PLXNC1: variants seen among roughly 807,000 people sequenced by gnomAD.
The protein encoded by PLXNC1 is plexin-C1.
Under a neutral mutation model 178.2 loss-of-function variants are expected in PLXNC1, and 75 were observed. The ratio of observed to expected loss-of-function variants is 0.42; its 90% CI spans 0.35 to 0.51. The LOEUF is 0.51. Ranked by LOEUF, PLXNC1 falls within the 20% of genes least tolerant of loss-of-function variation. PLXNC1 has a pLI of 0.02. For synonymous variants in PLXNC1, 790 were observed against 779.9 expected (o/e 1.01, Z -0.22); for missense variants, 1,503 against 1,984.4 (o/e 0.76, Z 4.61).
chr12:94,176,209 A>C (rs1168270178), intron 2 of PLXNC1, among the ~76,000 whole-genome samples: 1 of 152,024 alleles, frequency 6.6e-6, no homozygotes, highest in African/African-American at 2.4e-5. Flanking sequence ...TCTTTTTCCG[A>C]GGCTGCCCAC....
At chr12:94,292,769 T>G (rs1218241063) in intron 23 of PLXNC1, among the ~76,000 whole-genome samples, 1 of 152,248 alleles carries the variant, frequency 6.6e-6, no homozygotes, top group Non-Finnish European at 1.5e-5. Flanking sequence ...CATGCTATCA[T>G]GAGTTCAGGT....
At chr12:94,194,396 C>A (rs768640278) in intron 4 of PLXNC1, among the ~76,000 whole-genome samples, 2 of 152,176 alleles carry the variant, frequency 1.3e-5, no homozygotes, top group Non-Finnish European at 2.9e-5. Flanking sequence ...GTGTGACCTG[C>A]CAGTTTCTTA....
intron 15 of PLXNC1, among the ~76,000 whole-genome samples, chr12:94,254,269 A>G (rs1018168388): frequency 3.3e-5 from 5 of 152,204 alleles, no homozygotes; most frequent in Admixed American, 6.5e-5. Context: ...ATATGGAGGT[A>G]TGGGAGTTCC....
intron 23 of PLXNC1, among the ~76,000 whole-genome samples, chr12:94,289,714 C>A (rs75997341): frequency 6.6e-6 from 1 of 152,116 alleles, no homozygotes; most frequent in Non-Finnish European, 1.5e-5. Flanking sequence ...AAAAAGAAAA[C>A]GGAAACCTTT....
chr12:94,240,492 G>A lies in PLXNC1; in HGVS notation c.2128G>A (p.Val710Ile), dbSNP rs1401356032. 2.5e-6 allele frequency: 4 copies of A among 1,613,240 alleles called. No individual in the cohort carries two copies. The highest frequency in any genetic ancestry group is 1.1e-5 in the South Asian group (1 of 91,034). ...TTTTCTACTCTTTTCTAGGATACAG[G>A]TTAGCCATGTGCTAAATGACACCCA... is the stretch of plus-strand genomic sequence containing the variant. ...TSTCDKDVIQ[V>I]SHVLNDTHMK... Residue 710 changes from valine to isoleucine, a missense_variant, in exon 11 of 31, where the codon GTT becomes ATT. Transcript: ENST00000258526.
intron 1 of PLXNC1, among the ~76,000 whole-genome samples, chr12:94,164,843 C>T (rs1044256608): frequency 6.6e-6 from 1 of 152,074 alleles, no homozygotes; most frequent in Non-Finnish European, 1.5e-5. Flanking sequence ...AAAAGTTTCC[C>T]TCTTAGAGCC....
chr12:94,259,214 G>C, intron 17 of PLXNC1, 123 bp from the exon 18 acceptor site: 2 of 686,986 alleles, frequency 2.9e-6, no homozygotes, highest in Non-Finnish European at 5.1e-6. Flanking sequence ...ATAAACCCAG[G>C]GGCGCTTCAG....
intron 4 of PLXNC1, among the ~76,000 whole-genome samples, chr12:94,199,434 C>T (rs1441562596): frequency 2.6e-5 from 4 of 152,186 alleles, no homozygotes; most frequent in African/African-American, 9.7e-5. Context: ...AGTAGGACAA[C>T]TGTCTGTGGG....
intron 23 of PLXNC1, among the ~76,000 whole-genome samples, chr12:94,288,836 A>G (rs1250673965): frequency 6.6e-6 from 1 of 152,224 alleles, no homozygotes; most frequent in South Asian, 2.1e-4. Flanking sequence ...TTCACGTAAT[A>G]TTGTTTCAGC....
chr12:94,259,550 T>C, intron 18 of PLXNC1, 60 bp from the exon 19 acceptor site: 2 of 1,335,604 alleles, frequency 1.5e-6, no homozygotes, highest in South Asian at 3.0e-5. Flanking sequence ...GGGTCTACTT[T>C]CTAACTTTAA....
In PLXNC1 at chr12:94,181,500, A is replaced by G. The variant is rs1233771586; in HGVS notation, c.1258A>G (p.Lys420Glu). 4 of 1,595,786 alleles carry G rather than the reference A, an allele frequency of 2.5e-6. No individual in the cohort carries two copies. The highest frequency in any genetic ancestry group is 1.7e-5 in the Admixed American group (1 of 59,940). ...SNCPEVIYEI[K>E]EETPVFYKLV... The stretch of plus-strand genomic sequence containing the variant: ...TTGTCCAGAGGTTATCTATGAAATT[A>G]AAGAAGAGACACCTGTTTTCTACAA... Residue 420 changes from lysine (K) to glutamate (E), a missense_variant, in exon 3 of 31, where the codon AAA (lysine) becomes GAA (glutamate). Physicochemically the swap from Lys to Glu is moderately conservative, Grantham distance 56. Around this residue, in one of 4 missense-constraint regions of PLXNC1, gnomAD observed 615 missense variants for 698.6 expected, o/e 0.88. Transcript: ENST00000258526.
intron 23 of PLXNC1, among the ~76,000 whole-genome samples, chr12:94,292,438 G>A (rs1395843254): frequency 6.6e-6 from 1 of 152,218 alleles, no homozygotes; most frequent in East Asian, 1.9e-4. Context: ...CAAAAGTTAA[G>A]CATGTCCCAC....
intron 2 of PLXNC1, among the ~76,000 whole-genome samples, chr12:94,178,231 C>T (rs1351358527): frequency 2.0e-5 from 3 of 152,090 alleles, no homozygotes; most frequent in African/African-American, 7.2e-5. Context: ...CTTTTTGCTT[C>T]CTTGTGGTGT....
At position 94,200,518 on chromosome 12, in the gene PLXNC1, A is replaced by G. The variant is rs143933416; in HGVS notation, c.1440-9072A>G. Reference sequence around the variant, plus strand: ...TCTGATAGGCCAAATGTGGGATTTGATATTGCTTTCAGGAGGATCGGGTTT... The same window carrying G: ...TCTGATAGGCCAAATGTGGGATTTGGTATTGCTTTCAGGAGGATCGGGTTT... On this transcript the variant is annotated intron_variant, in intron 4 of 30. Coordinates refer to ENST00000258526, the MANE Select transcript of PLXNC1 (RefSeq NM_005761.3). Among the ~76,000 whole-genome samples, 455 of 152,264 alleles carry G rather than the reference A, an allele frequency of 3.0e-3. 1 individual carries two copies. Among genetic ancestry groups the G allele is most frequent in the Non-Finnish European group, 5.0e-3 (340 of 68,026 alleles).
intron 1 of PLXNC1, among the ~76,000 whole-genome samples, chr12:94,166,424 T>G (rs1961612451): frequency 6.6e-6 from 1 of 152,162 alleles, no homozygotes; most frequent in Non-Finnish European, 1.5e-5. Flanking sequence ...GGAGTCAAAC[T>G]TAGGTGGTCT....
intron 17 of PLXNC1, among the ~76,000 whole-genome samples, chr12:94,258,017 C>A (rs889069204): frequency 1.3e-5 from 2 of 150,482 alleles, no homozygotes; most frequent in African/African-American, 2.5e-5. Flanking sequence ...GAGGGAGATT[C>A]CGTCTCAAAA....
intron 2 of PLXNC1, among the ~76,000 whole-genome samples, chr12:94,177,077 GTATA>G (rs199809165): frequency 6.0e-5 from 7 of 116,530 alleles, no homozygotes; most frequent in African/African-American, 2.1e-4. Context: ...GTGTGTGTGT[GTATA>G]TATATATGTG....
At chr12:94,285,175 G>C (rs149940360) in intron 23 of PLXNC1, among the ~76,000 whole-genome samples, 50 of 152,286 alleles carry the variant, frequency 3.3e-4, no homozygotes, top group African/African-American at 8.2e-4. Context: ...ACAGGAGGAG[G>C]AGCAGCTTCC....
At chr12:94,177,169 A>ATG (rs1319690863) in intron 2 of PLXNC1, among the ~76,000 whole-genome samples, 1 of 55,288 alleles carries the variant, frequency 1.8e-5, no homozygotes, top group Non-Finnish European at 3.1e-5. Flanking sequence ...ATGTATATAT[A>ATG]TATATACGTA....
Sources: gnomAD v4.1 joint callset for allele counts (sites outside exome capture counted in the v4.1 genomes callset) on GRCh38, gnomAD v4.1.1 for gene constraint, gnomAD v4.1.1 regional missense constraint, MANE v1.5 for transcripts, NCBI Gene and HGNC (gene_info 2026-07-23, HGNC 2026-07-21) for gene names.